Variants in PTPRN2 observed in about 807,000 individuals in gnomAD.
The protein encoded by PTPRN2 is protein tyrosine phosphatase receptor type N2.
In PTPRN2, 74 loss-of-function variants were observed where a neutral mutation model predicts 118.8. The ratio of observed to expected loss-of-function variants is 0.62; its 90% CI spans 0.52 to 0.76. The LOEUF (loss-of-function observed/expected upper bound fraction) is 0.76, where lower values mean the gene tolerates loss of function less well. Ranked by LOEUF, PTPRN2 falls within the 30% of genes least tolerant of loss-of-function variation. PTPRN2 has a pLI of 0.00. For missense variants in PTPRN2, 1,481 were observed against 1,394.4 expected, an observed-to-expected ratio of 1.06 and a Z score of -0.99; for synonymous variants, 641 against 608.0, an observed-to-expected ratio of 1.05 and a Z score of -0.80.
chr7:158,289,429 A>G (rs941446218), intron 3 of PTPRN2, among the ~76,000 whole-genome samples: 3 of 152,088 alleles, frequency 2.0e-5, no homozygotes, highest in Admixed American at 6.5e-5. Flanking sequence ...TGTTTCATCA[A>G]TTCTGCAGTT....
At chr7:158,467,907 T>C (rs977326413) in intron 2 of PTPRN2, among the ~76,000 whole-genome samples, 1 of 152,198 alleles carries the variant, frequency 6.6e-6, no homozygotes, top group Non-Finnish European at 1.5e-5. Context: ...TGTTACACTG[T>C]GGCAAGCTGT....
chr7:157,979,407 C>T (rs937792279), intron 11 of PTPRN2, among the ~76,000 whole-genome samples: 3 of 152,190 alleles, frequency 2.0e-5, no homozygotes, highest in Admixed American at 1.3e-4. Context: ...AAACACTTCA[C>T]GTCGCTGTGG....
At chr7:158,247,451 C>T (rs1329417846) in intron 3 of PTPRN2, among the ~76,000 whole-genome samples, 1 of 151,488 alleles carries the variant, frequency 6.6e-6, no homozygotes, top group African/African-American at 2.5e-5. Context: ...CAGGTGTGCT[C>T]TTCTTCACGG....
At chr7:158,004,191 G>A (rs765153897) in intron 11 of PTPRN2, among the ~76,000 whole-genome samples, 2 of 152,016 alleles carry the variant, frequency 1.3e-5, no homozygotes, top group African/African-American at 2.4e-5. Flanking sequence ...TTCACATGAT[G>A]TTTCTGCCTG....
chr7:157,965,392 G>A (rs570813100), intron 11 of PTPRN2, among the ~76,000 whole-genome samples: 12 of 152,200 alleles, frequency 7.9e-5, no homozygotes, highest in Admixed American at 3.9e-4. Context: ...CTGGACAGAC[G>A]ACAGCACCGC....
At chr7:158,071,415 C>CTGGTGGTGGAGGTGCCCG (rs1811583303) in intron 11 of PTPRN2, among the ~76,000 whole-genome samples, 1 of 11,524 alleles carries the variant, frequency 8.7e-5, no homozygotes, top group Admixed American at 1.0e-3. Context: ...GGAGTTGCTC[C>CTGGTGGTGGAGGTGCCCG]TGGTGGTGGA....
intron 22 of PTPRN2, among the ~76,000 whole-genome samples, chr7:157,543,565 G>A (rs77946647): frequency 0.021 from 3,185 of 152,348 alleles, 116 homozygotes; most frequent in African/African-American, 0.073. Flanking sequence ...TGGGGTAAGG[G>A]TCAGCCAGGG....
intron 5 of PTPRN2, among the ~76,000 whole-genome samples, chr7:158,185,500 C>T (rs1367113636): frequency 6.6e-6 from 1 of 152,016 alleles, no homozygotes; most frequent in Non-Finnish European, 1.5e-5. Context: ...CTCTTTAGTA[C>T]TCTCATATAT....
intron 9 of PTPRN2, among the ~76,000 whole-genome samples, chr7:158,113,081 C>A (rs1816427409): frequency 6.6e-6 from 1 of 151,942 alleles, no homozygotes; most frequent in Non-Finnish European, 1.5e-5. Context: ...ATGAGGGGAA[C>A]TGGCAAAAGA....
chr7:158,278,079 A>G (rs1385736212), intron 3 of PTPRN2, among the ~76,000 whole-genome samples: 1 of 152,162 alleles, frequency 6.6e-6, no homozygotes, highest in African/African-American at 2.4e-5. Flanking sequence ...GGGACCAAGT[A>G]TGGCTCCTAT....
At chr7:158,528,541 C>G (rs1355576539) in intron 1 of PTPRN2, among the ~76,000 whole-genome samples, 1 of 151,868 alleles carries the variant, frequency 6.6e-6, no homozygotes, top group Non-Finnish European at 1.5e-5. Context: ...AATCCCAGCA[C>G]TTTGGGAGGC....
chr7:158,392,930 T>C (rs1223751385), intron 2 of PTPRN2, among the ~76,000 whole-genome samples: 5 of 152,138 alleles, frequency 3.3e-5, no homozygotes, highest in African/African-American at 1.2e-4. Context: ...TGAGAACTCC[T>C]CGAGCACGCC....
At chr7:158,163,456 TC>T (rs1822558393) in intron 6 of PTPRN2, among the ~76,000 whole-genome samples, 1 of 151,398 alleles carries the variant, frequency 6.6e-6, no homozygotes, top group South Asian at 2.1e-4. Context: ...TACCGGGTTC[TC>T]AATATTCTCT....
Position 157,893,630 on chromosome 7 carries a change from G to A in PTPRN2, c.1788+5043C>T, listed in dbSNP as rs185282356. ...GCGGCAGGAAGATCAAGAGCCCTGC[G>A]TGGCCCACTTTAAGTGTGAGGCTCC... On this transcript the variant is annotated intron_variant, in intron 12 of 22. Transcript: ENST00000389418. The surrounding 1 kb of genome is among the most constrained non-coding windows in gnomAD (Gnocchi z 4.0). Among the ~76,000 whole-genome samples the A allele has an allele frequency of 3.1e-4, 47 of 152,318 alleles. No individual in the cohort carries two copies. The highest frequency in any genetic ancestry group is 1.1e-3 in the African/African-American group (44 of 41,586).
intron 2 of PTPRN2, among the ~76,000 whole-genome samples, chr7:158,372,265 G>A (rs1397268047): frequency 3.3e-5 from 5 of 149,814 alleles, no homozygotes; most frequent in African/African-American, 1.2e-4. Flanking sequence ...CTGGTCCCCA[G>A]AGCTGATCCC....
At chr7:158,105,371 CATCCT>C (rs1815599945) in intron 10 of PTPRN2, among the ~76,000 whole-genome samples, 1 of 150,740 alleles carries the variant, frequency 6.6e-6, no homozygotes, top group Non-Finnish European at 1.5e-5. Flanking sequence ...GCTCCATCCT[CATCCT>C]AGCTCCATCC....
chr7:157,892,112 G>C, intron 12 of PTPRN2, among the ~76,000 whole-genome samples: 1 of 151,256 alleles, frequency 6.6e-6, no homozygotes, highest in Non-Finnish European at 1.5e-5. Context: ...CTATCACGAC[G>C]CTTAGAAGCT....
rs549103379 is a variant in PTPRN2 at position 157,977,554 on chromosome 7, G to A, written c.1724-78817C>T. Among the ~76,000 whole-genome samples the A allele has an allele frequency of 6.6e-6, 1 of 151,654 alleles. No individual in the cohort carries two copies. Among genetic ancestry groups the A allele is most frequent in the African/African-American group, 2.4e-5 (1 of 41,242 alleles). On this transcript the variant is annotated intron_variant, in intron 11 of 22. Transcript: ENST00000389418. The surrounding 1 kb of genome is among the most constrained non-coding windows in gnomAD (Gnocchi z 4.6). ...ATGACGTGAGTGTGTTCATGGAGTA[G>A]TGTACAAGGCCCCAGGTGGGATGAC...
chr7:158,560,626 T>TCA (rs1827318712), intron 1 of PTPRN2, among the ~76,000 whole-genome samples: 1 of 152,240 alleles, frequency 6.6e-6, no homozygotes, highest in Non-Finnish European at 1.5e-5. Flanking sequence ...CCAGGCAGTC[T>TCA]CACAAGGCAG....
Sources: allele counts gnomAD v4.1 joint callset (sites outside exome capture counted in the v4.1 genomes callset), GRCh38; gene constraint gnomAD v4.1.1; non-coding constraint Gnocchi (gnomAD v3.1); transcripts MANE v1.5; gene names NCBI Gene and HGNC (gene_info 2026-07-23, HGNC 2026-07-21).